SARM1: variants seen among roughly 807,000 people sequenced by gnomAD.
SARM1 encodes sterile alpha and TIR motif containing 1.
SARM1 carries 60 observed loss-of-function variants against 65.1 expected under a neutral mutation model. The ratio of observed to expected loss-of-function variants is 0.92; its 90% CI spans 0.75 to 1.14. SARM1 has a LOEUF of 1.14. Among genes scored for constraint, SARM1 ranks in the 50% most tolerant of loss-of-function variants. The pLI is 0.00. For synonymous variants in SARM1, 417 were observed against 465.4 expected (o/e 0.90, Z 1.34); for missense variants, 913 against 1,015.7 (o/e 0.90, Z 1.37).
chr17:28,382,895 C>T (rs2068031314), intron 2 of SARM1, among the ~76,000 whole-genome samples: 1 of 152,184 alleles, frequency 6.6e-6, no homozygotes, highest in African/African-American at 2.4e-5. Context: ...ATTCTCCCTA[C>T]AATATCACTC....
rs1049018898 is a variant in SARM1 at position 28,378,832 on chromosome 17, G to T, written c.471-2371G>T. 7.2e-5 allele frequency among the ~76,000 whole-genome samples: 11 copies of T among 151,910 alleles called. No homozygotes were observed. The South Asian group carries it at 1.5e-3, about 20-fold the overall frequency. On this transcript the variant is annotated intron_variant, in intron 1 of 8. Transcript: ENST00000585482. ...GCCACCATACATGGCTAATTTTTTT[G>T]ATTTTGTAGAGACAGGGTTTTGCTA...
At position 28,399,470 on chromosome 17, in the gene SARM1, G is replaced by A; in HGVS notation, c.*3184G>A. ...GTGTGGGTTATGATTCTAGATCCTA[G>A]ACAGAGGCTGGGTCAGCTGTGGATG... On this transcript the variant is annotated 3_prime_UTR_variant, in exon 9 of 9. Transcript: ENST00000585482. The A allele has an allele frequency of 1.6e-6, 1 of 620,788 alleles. No individual in the cohort carries two copies. Among genetic ancestry groups the A allele is most frequent in the East Asian group, 2.8e-5 (1 of 35,990 alleles). 38.5% of individuals were successfully genotyped at this position (620,788 alleles called of 1,614,324 possible).
rs980638862 is a variant in SARM1 at position 28,403,087 on chromosome 17, G to A, written c.*6801G>A. On this transcript the variant is annotated 3_prime_UTR_variant, in exon 9 of 9. Transcript: ENST00000585482. ...GGAATGCCAGCAGCCCCAGAAGCTG[G>A]AAGAAATGAGAAACACGTTCTCTCC... is the stretch of plus-strand genomic sequence containing the variant. The A allele has an allele frequency of 2.0e-5, 3 of 152,302 alleles. No homozygotes were observed. Among genetic ancestry groups the A allele is most frequent in the Admixed American group, 2.0e-4 (3 of 15,272 alleles). 9.4% of individuals were successfully genotyped at this position (152,302 alleles called of 1,614,324 possible).
chr17:28,378,983 T>C (rs1196977026), intron 1 of SARM1, among the ~76,000 whole-genome samples: 1 of 152,224 alleles, frequency 6.6e-6, no homozygotes, highest in Non-Finnish European at 1.5e-5. Flanking sequence ...CCAAGCTTGA[T>C]ACTGATTGCC....
intron 1 of SARM1, 28 bp from the exon 2 acceptor site, chr17:28,381,175 A>G: frequency 1.3e-6 from 2 of 1,559,930 alleles, no homozygotes; most frequent in East Asian, 2.3e-5. Context: ...CGGCAATTCC[A>G]CTGTCCCCTT....
intron 7 of SARM1, among the ~76,000 whole-genome samples, chr17:28,389,092 A>C (rs1460767295): frequency 6.6e-6 from 1 of 152,210 alleles, no homozygotes; most frequent in Non-Finnish European, 1.5e-5. Context: ...TTTGAAAAAT[A>C]AATTCCATGA....
rs527833537 is a variant in SARM1 at position 28,384,035 on chromosome 17, T to A, written c.1090-322T>A. 7.9e-4 allele frequency among the ~76,000 whole-genome samples: 120 copies of A among 151,788 alleles called. No individual in the cohort carries two copies. Among genetic ancestry groups the A allele is most frequent in the African/African-American group, 2.7e-3 (113 of 41,356 alleles). On this transcript the variant is annotated intron_variant, in intron 2 of 8. Coordinates refer to ENST00000585482, the MANE Select transcript of SARM1 (RefSeq NM_015077.4). This position sits in a 1 kb window ranked among gnomAD's most constrained non-coding sequence, Gnocchi z 4.4. Reference sequence around the variant, plus strand: ...AGTGGAAGGTGAGGTGAACTGGGAGTGATGGGCAGCTGCACTGTGCCCTGC... The same window carrying A: ...AGTGGAAGGTGAGGTGAACTGGGAGAGATGGGCAGCTGCACTGTGCCCTGC...
At chr17:28,390,930 ATGT>A (rs2068076967) in intron 7 of SARM1, among the ~76,000 whole-genome samples, 1 of 152,136 alleles carries the variant, frequency 6.6e-6, no homozygotes, top group African/African-American at 2.4e-5. Context: ...AAGTAGAATA[ATGT>A]TCCCCTGGCT....
rs782488618 is a variant in SARM1, at chr17:28,381,549, G to T, written c.817G>T (p.Ala273Ser). The change falls in exon 2 of 9, where the codon GCA becomes TCA. Residue 273 changes from alanine (A) to serine (S), a missense_variant. Physicochemically the swap from Ala to Ser is moderately conservative, Grantham distance 99. Around this residue, in one of 3 missense-constraint regions of SARM1, gnomAD observed 862 missense variants for 952.1 expected, o/e 0.91. Transcript: ENST00000585482. ...GCTGCTTCGGCTGCACGCCTGCCTCGCAGTAGCGGTGTTGGCGACTAACAA... is the reference window on the plus strand; with the variant it reads ...GCTGCTTCGGCTGCACGCCTGCCTCTCAGTAGCGGTGTTGGCGACTAACAA... ...DELLRLHACL[A>S]VAVLATNKEV... 5.0e-6 allele frequency: 8 copies of T among 1,586,580 alleles called. No individual in the cohort carries two copies. In the Admixed American group the frequency reaches 8.9e-5, roughly 18 times the overall value.
At chr17:28,388,849 C>A (rs1555586520) in intron 7 of SARM1, among the ~76,000 whole-genome samples, 1 of 150,662 alleles carries the variant, frequency 6.6e-6, no homozygotes, top group East Asian at 2.0e-4. Context: ...TGGCTCACTG[C>A]AAGCTCCACC....
intron 7 of SARM1, among the ~76,000 whole-genome samples, chr17:28,391,707 C>CAAAA (rs1206857097): frequency 1.6e-4 from 9 of 56,794 alleles, no homozygotes; most frequent in South Asian, 1.4e-3. Context: ...GCAATTGCAC[C>CAAAA]AAAAAAAAAA....
In SARM1 at chr17:28,388,239, A is replaced by T. The variant is rs1555586342; in HGVS notation, c.1696A>T (p.Ile566Phe). 2 of 1,551,842 alleles carry T rather than the reference A, an allele frequency of 1.3e-6. No individual in the cohort carries two copies. ...CAGTGGGGACACTCCAGATGTCTTC[A>T]TCAGCTACCGCCGGAACTCAGGTTC... ...KPSGDTPDVF[I>F]SYRRNSGSQL... Residue 566 changes from isoleucine to phenylalanine, a missense_variant, in exon 6 of 9, where the codon ATC (isoleucine) becomes TTC (phenylalanine). Coordinates refer to ENST00000585482, the MANE Select transcript of SARM1 (RefSeq NM_015077.4).
chr17:28,403,818 G>C lies in SARM1; in HGVS notation c.*7532G>C, dbSNP rs2068223676. 6.6e-6 allele frequency: 1 copy of C among 152,212 alleles called. No homozygotes were observed. The highest frequency in any genetic ancestry group is 6.5e-5 in the Admixed American group (1 of 15,272). The allele number at this position is 152,212 out of a possible 1,614,324, so 9.4% of individuals were successfully genotyped here. On this transcript the variant is annotated 3_prime_UTR_variant, in exon 9 of 9. Transcript: ENST00000585482. ...CTTGAGCTCAGGAGTTAGAGACCTGGACTGGGCAAAATGGTGAGGACCCCA... is the reference window on the plus strand; with the variant it reads ...CTTGAGCTCAGGAGTTAGAGACCTGCACTGGGCAAAATGGTGAGGACCCCA...
chr17:28,402,430 C>A lies in SARM1; in HGVS notation c.*6144C>A. 1 of 865,488 alleles carries A rather than the reference C, an allele frequency of 1.2e-6. No individual in the cohort carries two copies. Among genetic ancestry groups the A allele is most frequent in the Non-Finnish European group, 1.8e-6 (1 of 546,202 alleles). 53.6% of individuals were successfully genotyped at this position (865,488 alleles called of 1,614,324 possible). ...CCCCACGTGGGGCTTAGGTTAGACC[C>A]AGGAAGAACTTCCTTGATGGTGAGG... On this transcript the variant is annotated 3_prime_UTR_variant, in exon 9 of 9. Transcript: ENST00000585482.
chr17:28,391,426 A>G (rs1167254828), intron 7 of SARM1, among the ~76,000 whole-genome samples: 1 of 152,136 alleles, frequency 6.6e-6, no homozygotes, highest in African/African-American at 2.4e-5. Flanking sequence ...CTTAGGATGA[A>G]GGCTCTGACA....
chr17:28,387,587 C>G (rs2068058551), intron 5 of SARM1, among the ~76,000 whole-genome samples: 1 of 152,122 alleles, frequency 6.6e-6, no homozygotes, highest in South Asian at 2.1e-4. Flanking sequence ...GAAACCTGAG[C>G]CAGGGAAGGG....
At chr17:28,387,964 G>C (rs1204363681) in intron 5 of SARM1, 1 of 597,454 alleles carries the variant, frequency 1.7e-6, no homozygotes, top group African/African-American at 1.9e-5. Context: ...AATGTCCCTA[G>C]AACACAGTGC....
At position 28,385,235 on chromosome 17, in the gene SARM1, C is replaced by T; in HGVS notation, c.1590C>T (p.His530=). 6.3e-7 allele frequency: 1 copy of T among 1,586,306 alleles called. No homozygotes were observed. Residue 530 remains histidine (H), a synonymous_variant, in exon 5 of 9, where the codon CAC becomes CAT. Coordinates refer to ENST00000585482, the MANE Select transcript of SARM1 (RefSeq NM_015077.4). This position sits in a 1 kb window ranked among gnomAD's most constrained non-coding sequence, Gnocchi z 4.5. ...EQQLLEDCGI[H]LGVHRARILT... Reference sequence around the variant, plus strand: ...AGCTGCTGGAAGACTGCGGCATCCACCTGGGCGTGCACCGCGCCCGCATCC... The same window carrying T: ...AGCTGCTGGAAGACTGCGGCATCCATCTGGGCGTGCACCGCGCCCGCATCC...
In SARM1 at chr17:28,395,909, T is replaced by C. The variant is rs1224037543; in HGVS notation, c.1928T>C (p.Ile643Thr). Residue 643 changes from isoleucine (I) to threonine (T), a missense_variant, in exon 8 of 9, where the codon ATT (isoleucine) becomes ACT (threonine). Ile to Thr is a moderately conservative substitution (Grantham distance 89). Transcript: ENST00000585482. ...HDCKDWVHKE[I>T]VTALSCGKNI... ...TCCTTTCCTTTCTTTCTCCAGGAGATTGTGACTGCTTTAAGCTGCGGCAAG... is the reference window on the plus strand; with the variant it reads ...TCCTTTCCTTTCTTTCTCCAGGAGACTGTGACTGCTTTAAGCTGCGGCAAG... 6.2e-7 allele frequency: 1 copy of C among 1,613,782 alleles called. No homozygotes were observed. Among genetic ancestry groups the C allele is most frequent in the Non-Finnish European group, 8.5e-7 (1 of 1,179,850 alleles).
Sources: allele counts gnomAD v4.1 joint callset (sites outside exome capture counted in the v4.1 genomes callset), GRCh38; gene constraint gnomAD v4.1.1; regional missense constraint gnomAD v4.1.1; non-coding constraint Gnocchi (gnomAD v3.1); transcripts MANE v1.5; gene names NCBI Gene and HGNC (gene_info 2026-07-23, HGNC 2026-07-21).